The following SFI1 variants were observed in gnomAD, a reference collection of about 807,000 sequenced individuals.
SFI1 encodes protein SFI1 homolog.
Under a neutral mutation model 207.5 loss-of-function variants are expected in SFI1, and 195 were observed. The observed-to-expected ratio is 0.94, with a 90% CI of 0.84 to 1.06. SFI1 has a LOEUF of 1.06. Among genes scored for constraint, SFI1 ranks in the 50% least tolerant of loss-of-function variants. The pLI, the probability that SFI1 is intolerant of heterozygous loss-of-function variation, is 0.00. For missense variants in SFI1, 1,634 were observed against 1,588.0 expected, an observed-to-expected ratio of 1.03 and a Z score of -0.49; for synonymous variants, 630 against 598.9, an observed-to-expected ratio of 1.05 and a Z score of -0.76.
chr22:31,538,852 A>G (rs2059230763), intron 4 of SFI1, among the ~76,000 whole-genome samples: 1 of 152,072 alleles, frequency 6.6e-6, no homozygotes, highest in East Asian at 1.9e-4. Context: ...CTGCCTCACA[A>G]CCAAAATCTC....
intron 15 of SFI1, among the ~76,000 whole-genome samples, chr22:31,590,722 C>T (rs946953031): frequency 6.6e-6 from 1 of 151,506 alleles, no homozygotes; most frequent in Non-Finnish European, 1.5e-5. Flanking sequence ...AGCAAGGTCT[C>T]GAACTCCTGA....
In SFI1 at chr22:31,508,160, G is replaced by A. The variant is rs2054929619; in HGVS notation, c.-30-95G>A. 10 of 710,444 alleles carry A rather than the reference G, an allele frequency of 1.4e-5. No homozygotes were observed. In the South Asian group the frequency reaches 1.5e-4, roughly 11 times the overall value. The allele number at this position is 710,444 out of a possible 1,614,324, so 44.0% of individuals were successfully genotyped here. On this transcript the variant is annotated intron_variant, in intron 1 of 32. Transcript: ENST00000400288. ...CATTCATCTAGTGTTGAATTAAGGA[G>A]AGCAGGAGACTAGGAGCTGGCATAT...
At chr22:31,520,174 TA>T (rs749141427) in intron 2 of SFI1, among the ~76,000 whole-genome samples, 548 of 134,428 alleles carry the variant, frequency 4.1e-3, no homozygotes, top group Admixed American at 4.1e-3. Flanking sequence ...ACCACCTGTT[TA>T]AAAAAAAAAA....
intron 5 of SFI1, among the ~76,000 whole-genome samples, chr22:31,549,288 TAAA>T (rs59382278): frequency 2.4e-4 from 9 of 37,216 alleles, no homozygotes; most frequent in African/African-American, 3.7e-4. Context: ...AGACCCTGTG[TAAA>T]AAAAAAAAAA....
At chr22:31,540,842 G>A (rs1026692922) in intron 4 of SFI1, among the ~76,000 whole-genome samples, 16 of 152,180 alleles carry the variant, frequency 1.1e-4, no homozygotes, top group African/African-American at 3.4e-4. Context: ...GCCTCCCAAA[G>A]TGCTGGGATT....
intron 12 of SFI1, among the ~76,000 whole-genome samples, chr22:31,580,904 A>AT (rs942656745): frequency 1.3e-5 from 2 of 151,944 alleles, no homozygotes; most frequent in Non-Finnish European, 2.9e-5. Flanking sequence ...GTTTGATCCC[A>AT]TTTTTTTATC....
At chr22:31,530,836 A>C in intron 3 of SFI1, 1 of 544,138 alleles carries the variant, frequency 1.8e-6, no homozygotes, top group Non-Finnish European at 3.3e-6. Flanking sequence ...CTGACAATTT[A>C]TGTTGAAAAT....
intron 16 of SFI1, 86 bp downstream of exon 16, chr22:31,602,379 T>TG: frequency 7.3e-7 from 1 of 1,369,204 alleles, no homozygotes; most frequent in Non-Finnish European, 1.0e-6. Context: ...CTCAGGAAGT[T>TG]GCTCGGACCT....
chr22:31,521,258 C>A, intron 2 of SFI1: 1 of 187,488 alleles, frequency 5.3e-6, no homozygotes, highest in Non-Finnish European at 1.2e-5. Flanking sequence ...TGTGGAATGA[C>A]ACCATCACCA....
intron 15 of SFI1, among the ~76,000 whole-genome samples, chr22:31,593,014 A>G (rs1371175095): frequency 1.1e-5 from 1 of 93,546 alleles, no homozygotes. Context: ...CCCGGACGGC[A>G]CGGCTGGCCA....
rs1168580811 is a variant in SFI1, at chr22:31,616,745, G to A, written c.3301G>A (p.Val1101Met). The change falls in exon 30 of 33, where the codon GTG (valine) becomes ATG (methionine). Residue 1101 changes from valine (V) to methionine (M), a missense_variant and splice_region_variant. Val to Met is a conservative substitution (Grantham distance 21, BLOSUM62 1). Transcript: ENST00000400288. ...GCATCTACCCTTCTTTCCTTTGCAGGTGTCAGCACAGCGGGCTACTCCTAG... is the reference window on the plus strand; with the variant it reads ...GCATCTACCCTTCTTTCCTTTGCAGATGTCAGCACAGCGGGCTACTCCTAG... ...MPCGAAAPAR[V>M]SAQRATPRDK... The A allele has an allele frequency of 1.3e-6, 2 of 1,539,678 alleles. No homozygotes were observed. The highest frequency in any genetic ancestry group is 1.7e-6 in the Non-Finnish European group (2 of 1,147,086).
chr22:31,604,299 C>CT lies in SFI1; in HGVS notation c.1882-9dup. ...CAGCCCACGGTAGCTGCTTTCTCCT[C>CT]TGTCTGCAGTGCCTGGCCCTGCGGG... On this transcript the variant is annotated splice_polypyrimidine_tract_variant and intron_variant, in intron 18 of 32. Transcript: ENST00000400288. 3.2e-6 allele frequency: 5 copies of CT among 1,564,458 alleles called. No homozygotes were observed. The highest frequency in any genetic ancestry group is 3.5e-6 in the Non-Finnish European group (4 of 1,156,092).
rs768392322 is a variant in SFI1, at chr22:31,546,878, G to A, written c.356G>A (p.Arg119Gln). The change falls in exon 5 of 33, where the codon CGA becomes CAA. Residue 119 changes from arginine to glutamine, a missense_variant. Transcript: ENST00000400288. ...PSKARFYYEQRLLRKVFEEWK... is the reference protein window; with the variant it reads ...PSKARFYYEQQLLRKVFEEWK... ...TGCCGTAGATTTTACTATGAGCAGC[G>A]ATTACTACGGAAGGTCTTCGAAGAA... 9 of 1,607,336 alleles carry A rather than the reference G, an allele frequency of 5.6e-6. No individual in the cohort carries two copies. The highest frequency in any genetic ancestry group is 3.4e-5 in the Admixed American group (2 of 59,214).
intron 6 of SFI1, among the ~76,000 whole-genome samples, chr22:31,554,377 C>T (rs547368543): frequency 3.2e-4 from 48 of 152,080 alleles, no homozygotes; most frequent in Admixed American, 4.6e-4. Context: ...GGCACGATCT[C>T]GGCTCACCGC....
chr22:31,604,224 A>G (rs1356566415), intron 18 of SFI1, 85 bp from the exon 19 acceptor site: 19 of 988,790 alleles, frequency 1.9e-5, no homozygotes, highest in East Asian at 1.0e-4. Context: ...ACTCACACAG[A>G]TGATGTATAA....
chr22:31,611,172 TGGGAC>T lies in SFI1; in HGVS notation c.2285_2289del (p.Trp762LeufsTer193). 1 of 1,614,144 alleles carries T rather than the reference TGGGAC, an allele frequency of 6.2e-7. No individual in the cohort carries two copies. The highest frequency in any genetic ancestry group is 8.5e-7 in the Non-Finnish European group (1 of 1,180,042). On this transcript the variant is annotated frameshift_variant, in exon 23 of 33. Transcript: ENST00000400288. LOFTEE classifies it high-confidence loss of function. Reference sequence around the variant, plus strand: ...TCTGCGGACCTGGTTTCAGCGCTGGTGGGACTGCAGCCGGAGGTCAGCCCAGCAGA... The same window carrying T: ...TCTGCGGACCTGGTTTCAGCGCTGGTTGCAGCCGGAGGTCAGCCCAGCAGA...
Position 31,613,717 on chromosome 22 carries a change from T to G in SFI1, c.2858T>G (p.Val953Gly). The change falls in exon 27 of 33, where the codon GTG (valine) becomes GGG (glycine). Residue 953 changes from valine (V) to glycine (G), a missense_variant. Physicochemically the swap from Val to Gly is moderately radical, Grantham distance 109 (BLOSUM62 -3). Coordinates refer to ENST00000400288, the MANE Select transcript of SFI1 (RefSeq NM_001007467.3). ...GCAGCCATCGCACCCAGCAGGAAAG[T>G]GACGTTTGAGGGTCCCCTTCTCAAC... ...PLAAIAPSRK[V>G]TFEGPLLNRI... 6.2e-7 allele frequency: 1 copy of G among 1,613,126 alleles called. No homozygotes were observed. Among genetic ancestry groups the G allele is most frequent in the South Asian group, 1.1e-5 (1 of 91,014 alleles).
chr22:31,500,719 A>C (rs768808445), intron 1 of SFI1, among the ~76,000 whole-genome samples: 2 of 151,884 alleles, frequency 1.3e-5, no homozygotes, highest in African/African-American at 4.8e-5. Flanking sequence ...GGCCTCCCAA[A>C]GTGCTGGGAT....
At chr22:31,585,755 TG>T (rs1031998642) in intron 14 of SFI1, among the ~76,000 whole-genome samples, 10 of 152,140 alleles carry the variant, frequency 6.6e-5, no homozygotes, top group Non-Finnish European at 1.5e-4. Flanking sequence ...TTCTACCAAT[TG>T]GGAGTACCTG....
Sources: gnomAD v4.1 joint callset for allele counts (sites outside exome capture counted in the v4.1 genomes callset) on GRCh38, gnomAD v4.1.1 for gene constraint, MANE v1.5 for transcripts, NCBI Gene and HGNC (gene_info 2026-07-23, HGNC 2026-07-21) for gene names.